Variants in ZNF764 observed in about 807,000 individuals in gnomAD.
The protein encoded by ZNF764 is zinc finger protein 764.
Under a neutral mutation model 13.9 loss-of-function variants are expected in ZNF764, and 10 were observed. The ratio of observed to expected loss-of-function variants is 0.72; its 90% confidence interval spans 0.44 to 1.22. ZNF764 has a LOEUF of 1.22. Ranked by LOEUF, ZNF764 falls within the 50% of genes most tolerant of loss-of-function variation. ZNF764 has a pLI of 0.00. For synonymous variants in ZNF764, 313 were observed against 255.1 expected (o/e 1.23, Z -2.16); for missense variants, 647 against 589.7 (o/e 1.10, Z -1.01).
At position 30,553,816 on chromosome 16, in the gene ZNF764, A is replaced by C. The variant is rs1040353517; in HGVS notation, c.*1378T>G. 1.3e-5 allele frequency: 2 copies of C among 152,268 alleles called. No individual in the cohort carries two copies. Among genetic ancestry groups the C allele is most frequent in the African/African-American group, 4.8e-5 (2 of 41,480 alleles). The allele number at this position is 152,268 out of a possible 1,614,324, so 9.4% of individuals were successfully genotyped here. On this transcript the variant is annotated 3_prime_UTR_variant, in exon 3 of 3. Coordinates refer to ENST00000395091, the MANE Select transcript of ZNF764 (RefSeq NM_001172679.2). ...CTTGCCACCCTTTCTCTCCAACTCCAGAAAACCTGAGTGCTACAGACCACT... is the reference window on the plus strand; with the variant it reads ...CTTGCCACCCTTTCTCTCCAACTCCCGAAAACCTGAGTGCTACAGACCACT...
Position 30,556,106 on chromosome 16 carries a change from A to G in ZNF764, c.312T>C (p.Asp104=). Residue 104 remains aspartate (D), a splice_region_variant and synonymous_variant, in exon 3 of 3, where the codon GAT becomes GAC. Coordinates refer to ENST00000395091, the MANE Select transcript of ZNF764 (RefSeq NM_001172679.2). Reference sequence around the variant, plus strand: ...GTCTTTCCTTTTTCTTGTTTCTGGAATCTGCTGAGAGATAAAGAGGGGAGA... The same window carrying G: ...GTCTTTCCTTTTTCTTGTTTCTGGAGTCTGCTGAGAGATAAAGAGGGGAGA... The part of the protein sequence containing the change: ...VAKCQTQTDP[D]SRNKKKERQR... 12 of 1,610,528 alleles carry G rather than the reference A, an allele frequency of 7.5e-6. No homozygotes were observed. Among genetic ancestry groups the G allele is most frequent in the Non-Finnish European group, 8.5e-6 (10 of 1,179,984 alleles).
chr16:30,556,101 C>G lies in ZNF764; in HGVS notation c.317G>C (p.Arg106Thr). The G allele has an allele frequency of 6.2e-7, 1 of 1,610,760 alleles. No homozygotes were observed. Among genetic ancestry groups the G allele is most frequent in the Non-Finnish European group, 8.5e-7 (1 of 1,180,000 alleles). The change falls in exon 3 of 3, where the codon AGA (arginine) becomes ACA (threonine). Residue 106 changes from arginine to threonine, a missense_variant. Coordinates refer to ENST00000395091, the MANE Select transcript of ZNF764 (RefSeq NM_001172679.2). ...CCTTTGTCTTTCCTTTTTCTTGTTT[C>G]TGGAATCTGCTGAGAGATAAAGAGG... ...KCQTQTDPDS[R>T]NKKKERQREG...
chr16:30,558,059 A>G lies in ZNF764; in HGVS notation c.124T>C (p.Cys42Arg), dbSNP rs146314069. 9.9e-6 allele frequency: 16 copies of G among 1,612,218 alleles called. No homozygotes were observed. The African/African-American group carries it at 2.1e-4, about 22-fold the overall frequency. ...AVYFCREEWG[C>R]LRPAQRALYR... is the part of the protein sequence containing the mutation. Reference sequence around the variant, plus strand: ...AGGGCCCTCTGCGCTGGCCGCAAGCAGCCCCACTCCTCCCGGCAGAAGTAC... The same window carrying G: ...AGGGCCCTCTGCGCTGGCCGCAAGCGGCCCCACTCCTCCCGGCAGAAGTAC... The change falls in exon 1 of 3, where the codon TGC (cysteine) becomes CGC (arginine). Residue 42 changes from cysteine (C) to arginine (R), a missense_variant. Physicochemically the swap from Cys to Arg is radical, Grantham distance 180 (BLOSUM62 -3). Coordinates refer to ENST00000395091, the MANE Select transcript of ZNF764 (RefSeq NM_001172679.2).
At chr16:30,557,588 C>A (rs2051567191) in intron 2 of ZNF764, 145 bp downstream of exon 2, 1 of 1,242,524 alleles carries the variant, frequency 8.0e-7, no homozygotes. Flanking sequence ...CATCTGGGAG[C>A]CACGCAGGGG....
intron 2 of ZNF764, among the ~76,000 whole-genome samples, chr16:30,557,455 G>A (rs568767493): frequency 6.6e-6 from 1 of 152,264 alleles, no homozygotes; most frequent in Non-Finnish European, 1.5e-5. Context: ...AACAAAGCGA[G>A]ACCCTGTCTC....
intron 2 of ZNF764, among the ~76,000 whole-genome samples, chr16:30,557,099 C>T (rs1008865933): frequency 1.3e-5 from 2 of 149,036 alleles, no homozygotes; most frequent in Non-Finnish European, 3.0e-5. Flanking sequence ...GAGATGGCGC[C>T]ACTGCACTCC....
chr16:30,558,103 C>G lies in ZNF764; in HGVS notation c.80G>C (p.Ser27Thr). Residue 27 changes from serine (S) to threonine (T), a missense_variant, in exon 1 of 3, where the codon AGC (serine) becomes ACC (threonine). Physicochemically the swap from Ser to Thr is moderately conservative, Grantham distance 58. Transcript: ENST00000395091. ...GAAGTACACGGCCACGTCCGCGAAG[C>G]TCACAGCCCCCGGCTCCCTCCACTC... ...GPEWREPGAVSFADVAVYFCR... is the reference protein window; with the variant it reads ...GPEWREPGAVTFADVAVYFCR... 1 of 1,610,472 alleles carries G rather than the reference C, an allele frequency of 6.2e-7. No homozygotes were observed. Among genetic ancestry groups the G allele is most frequent in the South Asian group, 1.1e-5 (1 of 90,868 alleles).
rs1324645695 is a variant in ZNF764, at chr16:30,555,872, G to T, written c.546C>A (p.Ser182Arg). 1 of 1,612,352 alleles carries T rather than the reference G, an allele frequency of 6.2e-7. No homozygotes were observed. Among genetic ancestry groups the T allele is most frequent in the African/African-American group, 1.3e-5 (1 of 74,906 alleles). Residue 182 changes from serine (S) to arginine (R), a missense_variant, in exon 3 of 3, where the codon AGC becomes AGA. Coordinates refer to ENST00000395091, the MANE Select transcript of ZNF764 (RefSeq NM_001172679.2). ...CCACCAGTGTGGAGCGCCAGGCAAA[G>T]CTCTTCCCGCACACGTAGCAGCCAT... ...QRHGCYVCGK[S>R]FAWRSTLVEH...
rs1218931587 is a variant in ZNF764, at chr16:30,558,186, A to G, written c.-4T>C. 4 of 1,582,184 alleles carry G rather than the reference A, an allele frequency of 2.5e-6. No homozygotes were observed. Among genetic ancestry groups the G allele is most frequent in the Middle Eastern group, 1.7e-4 (1 of 5,956 alleles). On this transcript the variant is annotated 5_prime_UTR_variant, in exon 1 of 3. Coordinates refer to ENST00000395091, the MANE Select transcript of ZNF764 (RefSeq NM_001172679.2). ...GCGGGGCCAGAGGCGGCGCCATGGT[A>G]ACTGTCAACCCCGACGACGGATCGG...
rs2051576860 is a variant in ZNF764, at chr16:30,558,348, G to A, written c.-166C>T. 2.7e-6 allele frequency: 2 copies of A among 733,592 alleles called. No individual in the cohort carries two copies. The highest frequency in any genetic ancestry group is 2.2e-6 in the Non-Finnish European group (1 of 460,658). The allele number at this position is 733,592 out of a possible 1,614,324, so 45.4% of individuals were successfully genotyped here. A position where few individuals can be genotyped will look rare whatever the true frequency, so the allele number is the denominator to read the frequency against. Reference sequence around the variant, plus strand: ...AGAGGGCGTGGAAACTAACGGTGCCGATGGCAGCGGGTGTATAATCAGAAA... The same window carrying A: ...AGAGGGCGTGGAAACTAACGGTGCCAATGGCAGCGGGTGTATAATCAGAAA... On this transcript the variant is annotated 5_prime_UTR_variant, in exon 1 of 3. Coordinates refer to ENST00000395091, the MANE Select transcript of ZNF764 (RefSeq NM_001172679.2).
rs1180239777 is a variant in ZNF764 at position 30,555,424 on chromosome 16, G to A, written c.994C>T (p.His332Tyr). 1 of 1,561,466 alleles carries A rather than the reference G, an allele frequency of 6.4e-7. No individual in the cohort carries two copies. Among genetic ancestry groups the A allele is most frequent in the Non-Finnish European group, 8.7e-7 (1 of 1,149,320 alleles). The change falls in exon 3 of 3, where the codon CAC (histidine) becomes TAC (tyrosine). Residue 332 changes from histidine to tyrosine, a missense_variant. His to Tyr is a moderately conservative substitution (Grantham distance 83, BLOSUM62 2). Transcript: ENST00000395091. ...TTCTCGCCGCTGTGGGTGCGCCTGT[G>A]GGCTGCCATCTCCGAGCTCTGGCGG... ...CFRQSSEMAA[H>Y]RRTHSGEKPY...
chr16:30,557,583 G>C lies in ZNF764; in HGVS notation c.310+150C>G, dbSNP rs142942394. ...CACAGCTCCTTTCTAGGCTGCATCT[G>C]GGAGCCACGCAGGGGCTCAGCCTCG... is the stretch of plus-strand genomic sequence containing the variant. On this transcript the variant is annotated intron_variant, in intron 2 of 2. Coordinates refer to ENST00000395091, the MANE Select transcript of ZNF764 (RefSeq NM_001172679.2). 6.8e-3 allele frequency: 8,010 copies of C among 1,184,634 alleles called. 382 individuals carry two copies. The African/African-American group carries it at 0.11, about 16-fold the overall frequency. 73.4% of individuals were successfully genotyped at this position (1,184,634 alleles called of 1,614,324 possible).
At position 30,556,105 on chromosome 16, in the gene ZNF764, A is replaced by G; in HGVS notation, c.313T>C (p.Ser105Pro). 1 of 1,610,662 alleles carries G rather than the reference A, an allele frequency of 6.2e-7. No homozygotes were observed. Among genetic ancestry groups the G allele is most frequent in the Non-Finnish European group, 8.5e-7 (1 of 1,179,984 alleles). ...AKCQTQTDPD[S>P]RNKKKERQRE... ...TGTCTTTCCTTTTTCTTGTTTCTGG[A>G]ATCTGCTGAGAGATAAAGAGGGGAG... Residue 105 changes from serine (S) to proline (P), a missense_variant and splice_region_variant, in exon 3 of 3, where the codon TCC becomes CCC. Ser to Pro is a moderately conservative substitution (Grantham distance 74). Coordinates refer to ENST00000395091, the MANE Select transcript of ZNF764 (RefSeq NM_001172679.2).
rs1167296860 is a variant in ZNF764, at chr16:30,556,017, T to A, written c.401A>T (p.Lys134Met). Residue 134 changes from lysine (K) to methionine (M), a missense_variant, in exon 3 of 3, where the codon AAG becomes ATG. Lys to Met is a moderately conservative substitution (Grantham distance 95, BLOSUM62 -1). Transcript: ENST00000395091. ...DPVAAGSPGL[K>M]SPQAPSAGPP... ...CCCGGCCGAGGGGGCTTGGGGAGAC[T>A]TCAGCCCAGGAGACCCGGCGGCCAC... 6.2e-7 allele frequency: 1 copy of A among 1,612,566 alleles called. No homozygotes were observed. The highest frequency in any genetic ancestry group is 8.5e-7 in the Non-Finnish European group (1 of 1,179,970).
chr16:30,555,992 C>G lies in ZNF764; in HGVS notation c.426G>C (p.Gly142=). Residue 142 remains glycine, a synonymous_variant, in exon 3 of 3, where the codon GGG becomes GGC. Coordinates refer to ENST00000395091, the MANE Select transcript of ZNF764 (RefSeq NM_001172679.2). ...ACAGCTGCTCCCAACCATAAGGGGG[C>G]CCGGCCGAGGGGGCTTGGGGAGACT... The part of the protein sequence containing the change: ...GLKSPQAPSA[G]PPYGWEQLSK... 1 of 1,612,238 alleles carries G rather than the reference C, an allele frequency of 6.2e-7. No homozygotes were observed. Among genetic ancestry groups the G allele is most frequent in the Non-Finnish European group, 8.5e-7 (1 of 1,179,950 alleles).
chr16:30,558,132 T>G lies in ZNF764; in HGVS notation c.51A>C (p.Gly17=). The part of the protein sequence containing the change: ...PLPPRDPNGA[G]PEWREPGAVS... Reference sequence around the variant, plus strand: ...CAGCCCCCGGCTCCCTCCACTCGGGTCCGGCCCCGTTTGGGTCCCGGGGAG... The same window carrying G: ...CAGCCCCCGGCTCCCTCCACTCGGGGCCGGCCCCGTTTGGGTCCCGGGGAG... Residue 17 remains glycine, a synonymous_variant, in exon 1 of 3, where the codon GGA becomes GGC. Transcript: ENST00000395091. 1 of 1,606,184 alleles carries G rather than the reference T, an allele frequency of 6.2e-7. No homozygotes were observed. Among genetic ancestry groups the G allele is most frequent in the Non-Finnish European group, 8.5e-7 (1 of 1,178,410 alleles).
At position 30,556,070 on chromosome 16, in the gene ZNF764, C is replaced by T; in HGVS notation, c.348G>A (p.Gly116=). The part of the protein sequence containing the change: ...RNKKKERQRE[G]TGALEKPDPV... ...GGTCGGGCTTCTCCAGGGCTCCCGT[C>T]CCTTCCCTTTGTCTTTCCTTTTTCT... Residue 116 remains glycine (G), a synonymous_variant, in exon 3 of 3, where the codon GGG becomes GGA. Transcript: ENST00000395091. 1.9e-6 allele frequency: 3 copies of T among 1,612,424 alleles called. No homozygotes were observed. Among genetic ancestry groups the T allele is most frequent in the Non-Finnish European group, 2.5e-6 (3 of 1,180,032 alleles).
Position 30,558,284 on chromosome 16 carries a change from G to A in ZNF764, c.-102C>T. The stretch of plus-strand genomic sequence containing the variant: ...GAAAGCCTCCCCGGCCCGGGCCCAA[G>A]GGAAGGAGGGAGGTTACTAGGGCCC... On this transcript the variant is annotated 5_prime_UTR_variant, in exon 1 of 3. Coordinates refer to ENST00000395091, the MANE Select transcript of ZNF764 (RefSeq NM_001172679.2). The A allele has an allele frequency of 2.9e-6, 4 of 1,373,946 alleles. No individual in the cohort carries two copies. The highest frequency in any genetic ancestry group is 2.9e-5 in the Admixed American group (1 of 35,084). The allele number at this position is 1,373,946 out of a possible 1,614,324, so 85.1% of individuals were successfully genotyped here. A position where few individuals can be genotyped will look rare whatever the true frequency, so the allele number is the denominator to read the frequency against.
chr16:30,556,328 G>A (rs2051556592), intron 2 of ZNF764, among the ~76,000 whole-genome samples: 1 of 152,080 alleles, frequency 6.6e-6, no homozygotes. Flanking sequence ...GGGAAGGGCA[G>A]AGATGACATG....
Sources: gnomAD v4.1 joint callset for allele counts (sites outside exome capture counted in the v4.1 genomes callset) on GRCh38, gnomAD v4.1.1 for gene constraint, MANE v1.5 for transcripts, NCBI Gene and HGNC (gene_info 2026-07-23, HGNC 2026-07-21) for gene names.